The following PLXDC2 variants were observed in gnomAD, a reference collection of about 807,000 sequenced individuals.
The protein encoded by PLXDC2 is plexin domain-containing protein 2.
In PLXDC2, 40 loss-of-function variants were observed where a neutral mutation model predicts 68.9. That is an observed-to-expected ratio of 0.58 (90% CI 0.45 to 0.76). The LOEUF (loss-of-function observed/expected upper bound fraction) is 0.76, where lower values mean the gene tolerates loss of function less well. PLXDC2 is among the 30% of genes least tolerant of loss of function. PLXDC2 has a pLI of 0.00. For missense variants in PLXDC2, 644 were observed against 661.9 expected, an observed-to-expected ratio of 0.97 and a Z score of 0.30; for synonymous variants, 243 against 234.2, an observed-to-expected ratio of 1.04 and a Z score of -0.34.
intron 9 of PLXDC2, among the ~76,000 whole-genome samples, chr10:20,209,727 T>G (rs1835043074): frequency 6.6e-6 from 1 of 152,128 alleles, no homozygotes; most frequent in Non-Finnish European, 1.5e-5. Context: ...ACACATGCTC[T>G]ACAATTTGTG....
intron 4 of PLXDC2, among the ~76,000 whole-genome samples, chr10:20,102,281 T>G (rs1348407394): frequency 6.6e-6 from 1 of 152,252 alleles, no homozygotes; most frequent in African/African-American, 2.4e-5. Flanking sequence ...TTACATATAT[T>G]GATTAAATTA....
intron 6 of PLXDC2, among the ~76,000 whole-genome samples, chr10:20,161,819 G>A (rs1167490802): frequency 6.6e-6 from 1 of 151,914 alleles, no homozygotes; most frequent in Non-Finnish European, 1.5e-5. Flanking sequence ...ATCACCTGAG[G>A]TCAGGAGTTC....
chr10:20,130,272 G>T (rs1222604202), intron 4 of PLXDC2, among the ~76,000 whole-genome samples: 1 of 151,922 alleles, frequency 6.6e-6, no homozygotes, highest in Non-Finnish European at 1.5e-5. Flanking sequence ...TGGTGCTATT[G>T]TATGTGAGAG....
intron 9 of PLXDC2, among the ~76,000 whole-genome samples, chr10:20,209,934 A>G (rs930759426): frequency 3.3e-5 from 5 of 152,134 alleles, no homozygotes; most frequent in Non-Finnish European, 5.9e-5. Context: ...TTATAAAAGT[A>G]TTAATTTGGG....
At chr10:20,055,483 A>G (rs745828268) in intron 3 of PLXDC2, among the ~76,000 whole-genome samples, 1 of 152,146 alleles carries the variant, frequency 6.6e-6, no homozygotes. Flanking sequence ...AAGGCAGTTT[A>G]ATTTACTTTC....
At chr10:19,826,861 C>T (rs979222788) in intron 1 of PLXDC2, among the ~76,000 whole-genome samples, 1 of 152,148 alleles carries the variant, frequency 6.6e-6, no homozygotes, top group African/African-American at 2.4e-5. Context: ...TATGGAAAGA[C>T]TTGCAAAATA....
chr10:19,995,126 A>G (rs1040630187), intron 1 of PLXDC2, among the ~76,000 whole-genome samples: 3 of 152,184 alleles, frequency 2.0e-5, no homozygotes, highest in African/African-American at 7.2e-5. Flanking sequence ...AAATATAAAT[A>G]AGCTAGAGTC....
intron 2 of PLXDC2, among the ~76,000 whole-genome samples, chr10:20,010,420 GCT>G (rs1019992553): frequency 1.2e-4 from 18 of 152,174 alleles, no homozygotes; most frequent in African/African-American, 4.3e-4. Flanking sequence ...TGCAATTATT[GCT>G]CACCCTCAAA....
chr10:19,933,827 AAGGAAGGAAGGAGGGG>A (rs1234427691), intron 1 of PLXDC2, among the ~76,000 whole-genome samples: 6 of 128,578 alleles, frequency 4.7e-5, no homozygotes, highest in African/African-American at 1.4e-4. Context: ...GGAAGGAGGG[AAGGAAGGAAGGAGGGG>A]AGGAAGGAAG....
At chr10:19,957,630 T>A (rs1834092488) in intron 1 of PLXDC2, among the ~76,000 whole-genome samples, 1 of 152,172 alleles carries the variant, frequency 6.6e-6, no homozygotes, top group Non-Finnish European at 1.5e-5. Context: ...ATGATGGGCA[T>A]GTCAGTCTTT....
chr10:20,056,289 G>T, intron 3 of PLXDC2, among the ~76,000 whole-genome samples: 1 of 152,040 alleles, frequency 6.6e-6, no homozygotes. Context: ...TTATTCCAGG[G>T]CCTGACTCTT....
chr10:20,164,456 GT>G lies in PLXDC2; in HGVS notation c.784-5del. 2 of 1,599,116 alleles carry G rather than the reference GT, an allele frequency of 1.3e-6. No homozygotes were observed. Among genetic ancestry groups the G allele is most frequent in the Non-Finnish European group, 1.7e-6 (2 of 1,166,844 alleles). On this transcript the variant is annotated splice_polypyrimidine_tract_variant and intron_variant, in intron 6 of 13. Transcript: ENST00000377252. ...GATCTAACATATAGTTACCTGCTTT[GT>G]TTTTTTCCAGATTCCTGTCTTGGTC...
At chr10:20,174,418 A>G (rs1032852622) in intron 7 of PLXDC2, among the ~76,000 whole-genome samples, 1 of 152,180 alleles carries the variant, frequency 6.6e-6, no homozygotes, top group South Asian at 2.1e-4. Flanking sequence ...ATGTATATGC[A>G]TCTTTCAGTT....
intron 1 of PLXDC2, among the ~76,000 whole-genome samples, chr10:19,962,810 C>A (rs1218525385): frequency 6.7e-6 from 1 of 149,064 alleles, no homozygotes; most frequent in Non-Finnish European, 1.5e-5. Flanking sequence ...CACGGTGAAA[C>A]CCCGTCTCCA....
At chr10:20,075,545 G>A (rs1196361824) in intron 4 of PLXDC2, among the ~76,000 whole-genome samples, 1 of 152,156 alleles carries the variant, frequency 6.6e-6, no homozygotes, top group Non-Finnish European at 1.5e-5. Context: ...TCTCCTGCAT[G>A]TCTGTCCATA....
intron 1 of PLXDC2, among the ~76,000 whole-genome samples, chr10:19,819,492 G>T (rs1396410146): frequency 6.6e-6 from 1 of 152,126 alleles, no homozygotes; most frequent in Non-Finnish European, 1.5e-5. Context: ...GGGGGGAAAA[G>T]TCCAGCAGTC....
intron 1 of PLXDC2, among the ~76,000 whole-genome samples, chr10:19,907,893 A>G (rs1564625584): frequency 6.6e-6 from 1 of 152,170 alleles, no homozygotes; most frequent in Admixed American, 6.5e-5. Flanking sequence ...TCTGTCGGCA[A>G]AACAGACCCA....
chr10:20,051,691 T>C (rs1487953654), intron 3 of PLXDC2, among the ~76,000 whole-genome samples: 2 of 151,884 alleles, frequency 1.3e-5, no homozygotes, highest in Non-Finnish European at 2.9e-5. Context: ...TTTTATTTAT[T>C]AGTATAAAAA....
chr10:20,019,050 C>T (rs960975515), intron 2 of PLXDC2, among the ~76,000 whole-genome samples: 4 of 152,210 alleles, frequency 2.6e-5, no homozygotes, highest in East Asian at 3.9e-4. Flanking sequence ...GAGGCCAAGG[C>T]GAGAGGATCC....
Sources: gnomAD v4.1 joint callset for allele counts (sites outside exome capture counted in the v4.1 genomes callset) on GRCh38, gnomAD v4.1.1 for gene constraint, MANE v1.5 for transcripts, NCBI Gene and HGNC (gene_info 2026-07-23, HGNC 2026-07-21) for gene names.